Variants in MMP28 observed in about 807,000 individuals in gnomAD.
MMP28 encodes matrix metallopeptidase 28.
In MMP28, 55 loss-of-function variants were observed where a neutral mutation model predicts 60.5. The ratio of observed to expected loss-of-function variants is 0.91; its 90% confidence interval spans 0.73 to 1.14. MMP28 has a LOEUF of 1.14. Among genes scored for constraint, MMP28 ranks in the 50% most tolerant of loss-of-function variants. The pLI is 0.00. For missense variants in MMP28, 686 were observed against 738.3 expected (o/e 0.93, Z 0.82); for synonymous variants, 318 against 312.5 (o/e 1.02, Z -0.18).
At chr17:35,767,984 TG>T in intron 6 of MMP28, 65 bp from the exon 7 acceptor site, 1 of 1,507,876 alleles carries the variant, frequency 6.6e-7, no homozygotes, top group Non-Finnish European at 8.9e-7. Flanking sequence ...CCAGGAAAGA[TG>T]CTGTCCTGGA....
At chr17:35,777,477 C>A (rs940840007) in intron 3 of MMP28, among the ~76,000 whole-genome samples, 1 of 152,224 alleles carries the variant, frequency 6.6e-6, no homozygotes, top group African/African-American at 2.4e-5. Flanking sequence ...CACCTGGAAA[C>A]AGCCACCCTC....
chr17:35,767,732 C>T lies in MMP28; in HGVS notation c.1168+20G>A, dbSNP rs372378972. 140 of 1,551,240 alleles carry T rather than the reference C, an allele frequency of 9.0e-5. No homozygotes were observed. The African/African-American group carries it at 1.6e-3, about 18-fold the overall frequency. ...TCCCTCTCTAGGGCTCAGTTTTCCC[C>T]GCTGCCCCAGAGCCAGTACCTTTGA... is the stretch of plus-strand genomic sequence containing the variant. On this transcript the variant is annotated intron_variant, in intron 7 of 7. Coordinates refer to ENST00000605424, the MANE Select transcript of MMP28 (RefSeq NM_024302.5).
intron 2 of MMP28, among the ~76,000 whole-genome samples, chr17:35,756,596 G>A (rs143671821): frequency 8.0e-5 from 12 of 150,836 alleles, no homozygotes; most frequent in East Asian, 8.0e-4. Context: ...TCAGCTTCCC[G>A]AGTAGCTGAG....
In MMP28 at chr17:35,770,283, G is replaced by A. The variant is rs776151150; in HGVS notation, c.634C>T (p.Arg212Cys). 5.2e-6 allele frequency: 8 copies of A among 1,548,512 alleles called. No homozygotes were observed. Among genetic ancestry groups the A allele is most frequent in the South Asian group, 1.2e-5 (1 of 84,548 alleles). ...TGGTCGAAGTGCGCTTCGCCGCGGC[G>A]GGGCAGGAAGGCGTGCGCCAGGGCG... Reference protein sequence around the residue: ...GGALAHAFLPRRGEAHFDQDE... With the variant: ...GGALAHAFLPCRGEAHFDQDE... The change falls in exon 5 of 8, where the codon CGC becomes TGC. Residue 212 changes from arginine to cysteine, a missense_variant. Physicochemically the swap from Arg to Cys is radical, Grantham distance 180. Coordinates refer to ENST00000605424, the MANE Select transcript of MMP28 (RefSeq NM_024302.5).
chr17:35,786,289 C>T (rs868054697), intron 1 of MMP28, among the ~76,000 whole-genome samples: 3 of 151,860 alleles, frequency 2.0e-5, no homozygotes, highest in African/African-American at 7.3e-5. Context: ...AACTCCTGAC[C>T]TCAGGTGATC....
At chr17:35,788,180 A>G (rs2086710362) in intron 1 of MMP28, among the ~76,000 whole-genome samples, 1 of 152,170 alleles carries the variant, frequency 6.6e-6, no homozygotes, top group Non-Finnish European at 1.5e-5. Context: ...TGCTGGGATT[A>G]CAGCCATCAT....
At chr17:35,780,827 C>G (rs1555609182) in intron 1 of MMP28, among the ~76,000 whole-genome samples, 1 of 150,948 alleles carries the variant, frequency 6.6e-6, no homozygotes, top group East Asian at 1.9e-4. Flanking sequence ...AGAGCAAGAC[C>G]CTGTCTCGAA....
rs531303580 is a variant in MMP28, at chr17:35,767,170, T to C, written c.1169-276A>G. The C allele has an allele frequency of 1.2e-4, 81 of 675,418 alleles. 1 individual carries two copies. In the East Asian group the frequency reaches 1.7e-3, roughly 14 times the overall value. 41.8% of individuals were successfully genotyped at this position (675,418 alleles called of 1,614,324 possible). A position where few individuals can be genotyped will look rare whatever the true frequency, so the allele number is the denominator to read the frequency against. ...GAGCTTTCTCCACTGCCATCATTAC[T>C]AATAATTCTATGAGGGCAAGGATTT... On this transcript the variant is annotated intron_variant, in intron 7 of 7. Transcript: ENST00000605424.
chr17:35,779,368 C>A, intron 1 of MMP28, 45 bp from the exon 2 acceptor site: 1 of 1,540,334 alleles, frequency 6.5e-7, no homozygotes, highest in East Asian at 2.3e-5. Flanking sequence ...CATCCTTTCC[C>A]CTCCCTTGGT....
At chr17:35,761,013 G>T, downstream of MMP28, 1 of 1,567,376 alleles carries the variant, frequency 6.4e-7, no homozygotes, top group Non-Finnish European at 8.6e-7. Context: ...CCCTAGCTTG[G>T]ACAATCCAGC....
chr17:35,764,248 G>A (rs1555602194), downstream of MMP28: 2 of 1,540,864 alleles, frequency 1.3e-6, no homozygotes, highest in Admixed American at 2.0e-5. Context: ...TGGCGCTGCT[G>A]CGGCGCGCGG....
At chr17:35,776,847 C>T (rs2086346357) in intron 3 of MMP28, among the ~76,000 whole-genome samples, 1 of 152,032 alleles carries the variant, frequency 6.6e-6, no homozygotes, top group South Asian at 2.1e-4. Context: ...TGAGATTGCG[C>T]CATTGCACTC....
Position 35,778,879 on chromosome 17 carries a change from A to G in MMP28, c.379+9T>C. Reference sequence around the variant, plus strand: ...AATCTTGGCCTAGCCGGATTTTAACAGTGCTCACCTTGCTTTGCAAAGCGT... The same window carrying G: ...AATCTTGGCCTAGCCGGATTTTAACGGTGCTCACCTTGCTTTGCAAAGCGT... On this transcript the variant is annotated intron_variant, in intron 3 of 7. Transcript: ENST00000605424. The G allele has an allele frequency of 1.2e-6, 2 of 1,614,034 alleles. No homozygotes were observed. Among genetic ancestry groups the G allele is most frequent in the African/African-American group, 1.3e-5 (1 of 75,056 alleles).
intron 1 of MMP28, among the ~76,000 whole-genome samples, chr17:35,782,350 CA>C (rs2086531776): frequency 6.6e-6 from 1 of 152,176 alleles, no homozygotes; most frequent in Non-Finnish European, 1.5e-5. Context: ...CCACCGCGCC[CA>C]GCCACCATGC....
At chr17:35,775,883 T>C (rs958884428) in intron 3 of MMP28, among the ~76,000 whole-genome samples, 3 of 152,158 alleles carry the variant, frequency 2.0e-5, no homozygotes, top group Admixed American at 6.5e-5. Flanking sequence ...GTTTCTTTTT[T>C]CTTTTTTTGA....
chr17:35,783,745 C>T (rs529474516), intron 1 of MMP28, among the ~76,000 whole-genome samples: 1 of 151,978 alleles, frequency 6.6e-6, no homozygotes, highest in South Asian at 2.1e-4. Flanking sequence ...GTGCCTAGTA[C>T]TCTGGCAGGC....
chr17:35,767,171 A>C lies in MMP28; in HGVS notation c.1169-277T>G. ...AGCTTTCTCCACTGCCATCATTACT[A>C]ATAATTCTATGAGGGCAAGGATTTT... On this transcript the variant is annotated intron_variant, in intron 7 of 7. Coordinates refer to ENST00000605424, the MANE Select transcript of MMP28 (RefSeq NM_024302.5). 3 of 675,532 alleles carry C rather than the reference A, an allele frequency of 4.4e-6. No homozygotes were observed. The South Asian group carries it at 4.7e-5, about 11-fold the overall frequency. 41.8% of individuals were successfully genotyped at this position (675,532 alleles called of 1,614,324 possible). A position where few individuals can be genotyped will look rare whatever the true frequency, so the allele number is the denominator to read the frequency against.
chr17:35,788,838 C>A (rs1284121361), intron 1 of MMP28, among the ~76,000 whole-genome samples: 1 of 152,090 alleles, frequency 6.6e-6, no homozygotes, highest in Non-Finnish European at 1.5e-5. Flanking sequence ...ATAGATAGAG[C>A]CCTTGGGAAT....
chr17:35,764,103 A>G (rs782133386), downstream of MMP28: 4 of 1,550,222 alleles, frequency 2.6e-6, no homozygotes, highest in South Asian at 3.6e-5. Context: ...GACGAGGACG[A>G]GGACAACCAG....
Sources: gnomAD v4.1 joint callset for allele counts (sites outside exome capture counted in the v4.1 genomes callset) on GRCh38, gnomAD v4.1.1 for gene constraint, MANE v1.5 for transcripts, NCBI Gene and HGNC (gene_info 2026-07-23, HGNC 2026-07-21) for gene names.